ASIC2: variants seen among roughly 807,000 people sequenced by gnomAD.
ASIC2 encodes the protein acid-sensing ion channel 2.
Under a neutral mutation model 57.3 loss-of-function variants are expected in ASIC2, and 25 were observed. That is an observed-to-expected ratio of 0.44 (90% confidence interval 0.32 to 0.61). The LOEUF is 0.61. Among genes scored for constraint, ASIC2 ranks in the 20% least tolerant of loss-of-function variants. The probability of loss-of-function intolerance (pLI) is 0.06; values close to 1 mark genes in which losing one functional copy is unlikely to be tolerated. For synonymous variants in ASIC2, 319 were observed against 307.5 expected, an observed-to-expected ratio of 1.04 and a Z score of -0.39; for missense variants, 641 against 738.1, an observed-to-expected ratio of 0.87 and a Z score of 1.52.
intron 1 of ASIC2, among the ~76,000 whole-genome samples, chr17:33,255,739 G>A (rs761389986): frequency 1.3e-5 from 2 of 152,142 alleles, no homozygotes; most frequent in Non-Finnish European, 2.9e-5. Context: ...TAAATAGCAG[G>A]ATGGACTAAG....
chr17:33,519,591 G>A (rs187428839), intron 1 of ASIC2, among the ~76,000 whole-genome samples: 62 of 152,312 alleles, frequency 4.1e-4, no homozygotes, highest in Middle Eastern at 3.4e-3. Context: ...CAGCGCACAA[G>A]TGGGTCTCGG....
intron 1 of ASIC2, among the ~76,000 whole-genome samples, chr17:33,999,869 G>A (rs1906278485): frequency 6.6e-6 from 1 of 151,984 alleles, no homozygotes; most frequent in Non-Finnish European, 1.5e-5. Context: ...AAACTTTCAT[G>A]TTTTTATGCT....
intron 1 of ASIC2, among the ~76,000 whole-genome samples, chr17:33,211,066 G>A (rs902533086): frequency 2.6e-5 from 4 of 152,170 alleles, no homozygotes; most frequent in East Asian, 1.9e-4. Context: ...ATTAATTCAT[G>A]TGGTGGACTT....
At chr17:33,451,871 G>C (rs750097484) in intron 1 of ASIC2, among the ~76,000 whole-genome samples, 2 of 152,062 alleles carry the variant, frequency 1.3e-5, no homozygotes, top group Non-Finnish European at 2.9e-5. Context: ...TAAGTAATTT[G>C]TGTGCACATT....
intron 1 of ASIC2, chr17:34,005,609 C>G (rs955585507): frequency 6.6e-6 from 1 of 152,198 alleles, no homozygotes; most frequent in Non-Finnish European, 1.5e-5. Flanking sequence ...TTCTCCACAC[C>G]TCTGGGCCAC....
intron 1 of ASIC2, among the ~76,000 whole-genome samples, chr17:33,856,788 G>A (rs188016243): frequency 2.0e-5 from 3 of 152,208 alleles, no homozygotes; most frequent in South Asian, 2.1e-4. Context: ...GAGAGACCGC[G>A]ACAGGTAGTT....
At chr17:33,548,995 G>A (rs1915665848) in intron 1 of ASIC2, among the ~76,000 whole-genome samples, 1 of 151,964 alleles carries the variant, frequency 6.6e-6, no homozygotes, top group Non-Finnish European at 1.5e-5. Flanking sequence ...AACACCATGG[G>A]ATTATCTTGA....
intron 1 of ASIC2, among the ~76,000 whole-genome samples, chr17:33,189,023 T>C (rs1906311649): frequency 6.6e-6 from 1 of 152,148 alleles, no homozygotes; most frequent in Admixed American, 6.5e-5. Context: ...AAGTACACTT[T>C]TGTAAGTTTC....
At chr17:33,519,540 A>G (rs1241453109) in intron 1 of ASIC2, among the ~76,000 whole-genome samples, 1 of 152,154 alleles carries the variant, frequency 6.6e-6, no homozygotes. Flanking sequence ...GGTTCATGGG[A>G]TCAGACTCTC....
At chr17:33,613,728 T>C (rs539870734) in intron 1 of ASIC2, among the ~76,000 whole-genome samples, 2 of 152,274 alleles carry the variant, frequency 1.3e-5, no homozygotes, top group South Asian at 4.2e-4. Context: ...GATTCTGTTC[T>C]ACATTTTGCT....
intron 1 of ASIC2, among the ~76,000 whole-genome samples, chr17:33,282,122 T>C (rs1217714426): frequency 6.6e-6 from 1 of 152,256 alleles, no homozygotes; most frequent in East Asian, 1.9e-4. Flanking sequence ...TTCAGGTCTG[T>C]AATAGAAAGT....
At chr17:33,686,775 C>T (rs1908208013) in intron 1 of ASIC2, among the ~76,000 whole-genome samples, 1 of 152,174 alleles carries the variant, frequency 6.6e-6, no homozygotes, top group African/African-American at 2.4e-5. Context: ...TCCATCCTGA[C>T]TTCTGGGAAG....
intron 1 of ASIC2, among the ~76,000 whole-genome samples, chr17:34,152,340 A>T (rs1368257341): frequency 6.6e-6 from 1 of 152,212 alleles, no homozygotes; most frequent in African/African-American, 2.4e-5. Flanking sequence ...GACCCCTAAC[A>T]TGATGAGCAG....
chr17:34,007,664 T>C (rs1459258015), intron 1 of ASIC2, among the ~76,000 whole-genome samples: 1 of 152,206 alleles, frequency 6.6e-6, no homozygotes, highest in African/African-American at 2.4e-5. Flanking sequence ...TCCAGTGCTC[T>C]TTTCAGCATT....
intron 1 of ASIC2, among the ~76,000 whole-genome samples, chr17:33,995,826 A>G (rs960661703): frequency 2.6e-5 from 4 of 152,196 alleles, no homozygotes; most frequent in African/African-American, 9.6e-5. Context: ...GAGTACAGAT[A>G]TCTCTTCAAC....
At chr17:33,362,394 G>A (rs1255607940) in intron 1 of ASIC2, among the ~76,000 whole-genome samples, 2 of 152,220 alleles carry the variant, frequency 1.3e-5, no homozygotes, top group African/African-American at 4.8e-5. Context: ...TACAGTCAGT[G>A]CAGAGAGGAA....
At chr17:33,901,847 A>C (rs763569087) in intron 1 of ASIC2, among the ~76,000 whole-genome samples, 1 of 152,142 alleles carries the variant, frequency 6.6e-6, no homozygotes, top group Non-Finnish European at 1.5e-5. Flanking sequence ...CAGTAGTATA[A>C]TGTTTGCCTT....
chr17:33,088,598 A>G (rs2141965033), intron 3 of ASIC2, among the ~76,000 whole-genome samples: 1 of 152,338 alleles, frequency 6.6e-6, no homozygotes, highest in South Asian at 2.1e-4. Context: ...AACTTGTACA[A>G]AAAGTCAACT....
At chr17:33,265,790 T>A (rs935421557) in intron 1 of ASIC2, among the ~76,000 whole-genome samples, 2 of 152,226 alleles carry the variant, frequency 1.3e-5, no homozygotes, top group African/African-American at 4.8e-5. Context: ...AGGGTATTTT[T>A]CACTAGATGG....
Sources: allele counts gnomAD v4.1 joint callset (sites outside exome capture counted in the v4.1 genomes callset), GRCh38; gene constraint gnomAD v4.1.1; transcripts MANE v1.5; gene names NCBI Gene and HGNC (gene_info 2026-07-23, HGNC 2026-07-21).